The following PPP2R2B variants were observed in gnomAD, a reference collection of about 807,000 sequenced individuals.
PPP2R2B encodes the protein serine/threonine-protein phosphatase 2A 55 kDa regulatory subunit B beta isoform.
Under a neutral mutation model 46.0 loss-of-function variants are expected in PPP2R2B, and 5 were observed. The ratio of observed to expected loss-of-function variants is 0.11; its 90% CI spans 0.06 to 0.23. PPP2R2B has a LOEUF of 0.23. Among genes scored for constraint, PPP2R2B ranks in the 10% least tolerant of loss-of-function variants. The pLI, the probability that PPP2R2B is intolerant of heterozygous loss-of-function variation, is 1.00. For missense variants in PPP2R2B, 367 were observed against 575.0 expected (o/e 0.64, Z 3.70); for synonymous variants, 215 against 206.7 (o/e 1.04, Z -0.34).
At chr5:146,780,059 G>T (rs10053006) in intron 2 of PPP2R2B, among the ~76,000 whole-genome samples, 3,461 of 152,212 alleles carry the variant, frequency 0.023, 122 homozygotes, top group African/African-American at 0.079. Flanking sequence ...ATGATGTAAC[G>T]TGGGGTTAAA....
chr5:146,776,608 C>T lies in PPP2R2B; in HGVS notation c.71-75466G>A, dbSNP rs927646852. Among the ~76,000 whole-genome samples the T allele has an allele frequency of 5.9e-5, 9 of 152,122 alleles. No individual in the cohort carries two copies. The East Asian group carries it at 1.7e-3, about 29-fold the overall frequency. On this transcript the variant is annotated intron_variant, in intron 2 of 9. Transcript: ENST00000394411. ...AGACTTGGCAATAGTTTTAATATGA[C>T]ACCAAAAGCACAGGTAACAATAACA...
chr5:146,805,658 T>C (rs180971003), intron 2 of PPP2R2B, among the ~76,000 whole-genome samples: 10 of 152,274 alleles, frequency 6.6e-5, no homozygotes, highest in African/African-American at 1.9e-4. Flanking sequence ...GAGCCTGTAG[T>C]ACAAATTGCA....
At chr5:146,739,032 T>C (rs1432576231) in intron 2 of PPP2R2B, among the ~76,000 whole-genome samples, 3 of 152,074 alleles carry the variant, frequency 2.0e-5, no homozygotes, top group African/African-American at 7.2e-5. Flanking sequence ...CCTATTTTTT[T>C]TTTAAGAGAC....
chr5:146,827,469 C>T (rs1758653797), intron 2 of PPP2R2B, among the ~76,000 whole-genome samples: 1 of 152,114 alleles, frequency 6.6e-6, no homozygotes, highest in South Asian at 2.1e-4. Flanking sequence ...AAGACTGAGG[C>T]ATTATGCTTC....
intron 2 of PPP2R2B, among the ~76,000 whole-genome samples, chr5:146,839,459 G>A (rs1759496443): frequency 1.3e-5 from 2 of 152,236 alleles, no homozygotes; most frequent in Admixed American, 6.5e-5. Flanking sequence ...GATGGAGGTT[G>A]CAGTGAGCTG....
chr5:147,032,852 C>A (rs1755856497), intron 1 of PPP2R2B, among the ~76,000 whole-genome samples: 1 of 152,268 alleles, frequency 6.6e-6, no homozygotes. Context: ...ATAATGACTT[C>A]TTTTCCTCTG....
chr5:146,835,408 C>T (rs1258054575), intron 2 of PPP2R2B, among the ~76,000 whole-genome samples: 1 of 152,074 alleles, frequency 6.6e-6, no homozygotes, highest in East Asian at 1.9e-4. Context: ...GCATAGAGCC[C>T]ACTTCAGCAG....
rs1341804116 is a variant in PPP2R2B at position 146,861,052 on chromosome 5, TTC to T, written c.70+16948_70+16949del. On this transcript the variant is annotated intron_variant, in intron 2 of 9. Transcript: ENST00000394411. ...TCTTCCAGCATTCAAACTGAATTTT[TTC>T]TTTTTTTTTTTTTTTTTTTTGAGAC... Among the ~76,000 whole-genome samples the T allele has an allele frequency of 3.8e-4, 37 of 98,514 alleles. 4 individuals are homozygous for T. Among genetic ancestry groups the T allele is most frequent in the East Asian group, 1.9e-3 (4 of 2,112 alleles). The allele number at this position is 98,514 out of a possible 152,430, so 64.6% of individuals were successfully genotyped here.
chr5:146,596,593 T>C (rs2547013), intron 8 of PPP2R2B, among the ~76,000 whole-genome samples: 114,515 of 152,146 alleles, frequency 0.75, 43,597 homozygotes, highest in African/African-American at 0.86. Flanking sequence ...CAGCCACACA[T>C]GGGTCCTAGT....
intron 2 of PPP2R2B, among the ~76,000 whole-genome samples, chr5:146,794,402 C>G (rs1756393359): frequency 6.6e-6 from 1 of 152,148 alleles, no homozygotes; most frequent in South Asian, 2.1e-4. Flanking sequence ...AGTGGAGACC[C>G]AAGCTTATTC....
intron 5 of PPP2R2B, among the ~76,000 whole-genome samples, chr5:146,677,427 T>A (rs933931937): frequency 6.6e-6 from 1 of 151,858 alleles, no homozygotes; most frequent in African/African-American, 2.4e-5. Context: ...CCGTCACCAT[T>A]TTTTTTTGTT....
At position 146,927,204 on chromosome 5, in the gene PPP2R2B, T is replaced by C. The variant is rs1053816899; in HGVS notation, c.79+128461A>G. On this transcript the variant is annotated intron_variant, in intron 1 of 8. Coordinates refer to the PPP2R2B transcript ENST00000336640. ...CTTTGGCTGATTTCCAGAGCACAAA[T>C]AGTTGAAGTTTCCAACTTTGCACAG... Among the ~76,000 whole-genome samples the C allele has an allele frequency of 3.8e-4, 58 of 152,274 alleles. 1 individual carries two copies. The highest frequency in any genetic ancestry group is 1.3e-3 in the African/African-American group (54 of 41,558).
intron 1 of PPP2R2B, among the ~76,000 whole-genome samples, chr5:146,902,468 C>T (rs1478745612): frequency 6.6e-6 from 1 of 152,138 alleles, no homozygotes; most frequent in African/African-American, 2.4e-5. Flanking sequence ...ACTTCTAATA[C>T]AAATAATGCT....
intron 1 of PPP2R2B, among the ~76,000 whole-genome samples, chr5:146,980,910 G>A (rs1424927793): frequency 2.0e-5 from 3 of 151,862 alleles, no homozygotes; most frequent in Admixed American, 6.6e-5. Context: ...ATCAGTTTCT[G>A]AAAATGGAGG....
At chr5:146,692,297 G>A (rs1037999124) in intron 4 of PPP2R2B, among the ~76,000 whole-genome samples, 5 of 152,128 alleles carry the variant, frequency 3.3e-5, no homozygotes, top group African/African-American at 1.2e-4. Context: ...CCTCTATGGA[G>A]TCTCCAGCTG....
intron 1 of PPP2R2B, among the ~76,000 whole-genome samples, chr5:147,024,910 G>A (rs754582393): frequency 1.3e-5 from 2 of 151,560 alleles, no homozygotes; most frequent in Non-Finnish European, 2.9e-5. Context: ...ATAAGAATAC[G>A]GAAAAAGAAG....
At chr5:146,840,716 C>A (rs1759584730) in intron 2 of PPP2R2B, among the ~76,000 whole-genome samples, 1 of 152,158 alleles carries the variant, frequency 6.6e-6, no homozygotes, top group East Asian at 1.9e-4. Context: ...AACTGCTTTT[C>A]ATTTTAATTA....
chr5:146,767,189 T>G (rs992858041), intron 2 of PPP2R2B, among the ~76,000 whole-genome samples: 2 of 151,918 alleles, frequency 1.3e-5, no homozygotes, highest in African/African-American at 4.8e-5. Flanking sequence ...ACAGGAATAC[T>G]TGAGAATATA....
chr5:146,878,635 C>T lies in PPP2R2B; in HGVS notation c.-169G>A, dbSNP rs948401011. 1 of 1,249,742 alleles carries T rather than the reference C, an allele frequency of 8.0e-7. No homozygotes were observed. Among genetic ancestry groups the T allele is most frequent in the Non-Finnish European group, 1.0e-6 (1 of 969,218 alleles). The allele number at this position is 1,249,742 out of a possible 1,614,324, so 77.4% of individuals were successfully genotyped here. On this transcript the variant is annotated 5_prime_UTR_variant, in exon 1 of 10. Coordinates refer to ENST00000394411, the MANE Select transcript of PPP2R2B (RefSeq NM_181675.4). This position sits in a 1 kb window ranked among gnomAD's most constrained non-coding sequence, Gnocchi z 4.5. Reference sequence around the variant, plus strand: ...TGGTCCCACGGGAGGGCGGCTCCGGCAGGCGGGGGTAGGGAAGCTGGCGGG... The same window carrying T: ...TGGTCCCACGGGAGGGCGGCTCCGGTAGGCGGGGGTAGGGAAGCTGGCGGG...
Sources: gnomAD v4.1 joint callset for allele counts (sites outside exome capture counted in the v4.1 genomes callset) on GRCh38, gnomAD v4.1.1 for gene constraint, Gnocchi (gnomAD v3.1) non-coding constraint, MANE v1.5 for transcripts, NCBI Gene and HGNC (gene_info 2026-07-23, HGNC 2026-07-21) for gene names.